The following UHRF1 variants were observed in gnomAD, a reference collection of about 807,000 sequenced individuals.
UHRF1 encodes the protein ubiquitin like with PHD and ring finger domains 1.
UHRF1 carries 9 observed loss-of-function variants against 96.5 expected under a neutral mutation model. The observed-to-expected ratio is 0.09, with a 90% CI of 0.06 to 0.16. The LOEUF is 0.16. UHRF1 is among the 10% of genes least tolerant of loss of function. The pLI is 1.00. For synonymous variants in UHRF1, 455 were observed against 469.9 expected (o/e 0.97, Z 0.41); for missense variants, 626 against 1,131.1 (o/e 0.55, Z 6.40).
chr19:4,941,516 C>T lies in UHRF1; in HGVS notation c.786-12C>T, dbSNP rs531759145. 7.5e-6 allele frequency: 12 copies of T among 1,608,670 alleles called. No individual in the cohort carries two copies. Among genetic ancestry groups the T allele is most frequent in the East Asian group, 2.2e-5 (1 of 44,694 alleles). On this transcript the variant is annotated splice_polypyrimidine_tract_variant and intron_variant, in intron 5 of 16. Coordinates refer to ENST00000650932, the MANE Select transcript of UHRF1 (RefSeq NM_001048201.3). The stretch of plus-strand genomic sequence containing the variant: ...GCAGGCCAGAATGTTCCAGCGTCCT[C>T]GTTCCTTGCAGGGATGATTCTCTGA...
intron 2 of UHRF1, among the ~76,000 whole-genome samples, chr19:4,915,031 C>T (rs1002524654): frequency 1.3e-5 from 2 of 152,252 alleles, no homozygotes; most frequent in Non-Finnish European, 2.9e-5. Context: ...CCTCCACCCA[C>T]TCCATGCCAG....
chr19:4,937,293 C>CA (rs903116367), intron 5 of UHRF1, among the ~76,000 whole-genome samples: 1 of 125,440 alleles, frequency 8.0e-6, no homozygotes, highest in Non-Finnish European at 1.6e-5. Flanking sequence ...AGATGGGCCA[C>CA]TTTTTTTTTT....
intron 5 of UHRF1, among the ~76,000 whole-genome samples, chr19:4,933,283 T>G (rs1051595926): frequency 5.9e-5 from 9 of 152,278 alleles, no homozygotes; most frequent in Middle Eastern, 3.4e-3. Context: ...TGGTTCGATC[T>G]CGGTTCACTG....
Position 4,928,818 on chromosome 19 carries a change from G to A in UHRF1, c.154-404G>A, listed in dbSNP as rs376964630. 6.6e-5 allele frequency among the ~76,000 whole-genome samples: 10 copies of A among 152,268 alleles called. No individual in the cohort carries two copies. In the South Asian group the frequency reaches 8.3e-4, roughly 13 times the overall value. On this transcript the variant is annotated intron_variant, in intron 2 of 16. Transcript: ENST00000650932. ...ACAAATGTCCCAGACGTGGCCCAGC[G>A]TCCCCCGGGGTCTGAATCATGTTTG...
chr19:4,905,175 G>T (rs2032040781), upstream of UHRF1, among the ~76,000 whole-genome samples: 2 of 143,388 alleles, frequency 1.4e-5, no homozygotes, highest in Non-Finnish European at 3.0e-5. Flanking sequence ...GGAGTGCAGT[G>T]GTGTGATCTC....
chr19:4,953,409 T>C (rs1419062419), intron 13 of UHRF1, among the ~76,000 whole-genome samples: 1 of 152,204 alleles, frequency 6.6e-6, no homozygotes, highest in Non-Finnish European at 1.5e-5. Flanking sequence ...TTTCGCATCT[T>C]AGGCTTCTCT....
chr19:4,961,963 CAG>C lies in UHRF1; in HGVS notation c.*1161_*1162del, dbSNP rs755322478. On this transcript the variant is annotated 3_prime_UTR_variant, in exon 17 of 17. Coordinates refer to ENST00000650932, the MANE Select transcript of UHRF1 (RefSeq NM_001048201.3). ...GTTTGCAGCCTATACCTCAATAAAACAGGGATATTTTAAATCACATACCTGCA... is the reference window on the plus strand; with the variant it reads ...GTTTGCAGCCTATACCTCAATAAAACGGATATTTTAAATCACATACCTGCA... The C allele has an allele frequency of 5.3e-5, 8 of 152,018 alleles. No individual in the cohort carries two copies. The highest frequency in any genetic ancestry group is 1.0e-4 in the Non-Finnish European group (7 of 68,016). The allele number at this position is 152,018 out of a possible 1,614,324, so 9.4% of individuals were successfully genotyped here. A position where few individuals can be genotyped will look rare whatever the true frequency, so the allele number is the denominator to read the frequency against.
chr19:4,935,247 C>T (rs373968474), intron 5 of UHRF1, among the ~76,000 whole-genome samples: 4 of 152,118 alleles, frequency 2.6e-5, no homozygotes, highest in Admixed American at 1.3e-4. Context: ...GGATTACAGG[C>T]GTGAGCCACC....
intron 2 of UHRF1, among the ~76,000 whole-genome samples, 193 bp from the exon 3 acceptor site, chr19:4,929,029 G>C (rs1351002109): frequency 6.6e-6 from 1 of 152,216 alleles, no homozygotes; most frequent in Non-Finnish European, 1.5e-5. Context: ...AGACCCTGAG[G>C]GAAGGGACTG....
intron 1 of UHRF1, chr19:4,910,340 G>GGGGGGGGCCGGCAAAGA (rs2032211382): frequency 7.0e-6 from 1 of 142,344 alleles, no homozygotes; most frequent in Non-Finnish European, 1.6e-5. Context: ...GCACGCGCGC[G>GGGGGGGGCCGGCAAAGA]GGGGGGGCCG....
chr19:4,928,057 G>A (rs1475604032), intron 2 of UHRF1, among the ~76,000 whole-genome samples: 2 of 152,100 alleles, frequency 1.3e-5, no homozygotes, highest in Admixed American at 6.5e-5. Context: ...GTTTCTTGGG[G>A]GCCTGTGGAA....
At chr19:4,941,653 C>T in intron 6 of UHRF1, 25 bp downstream of exon 6, 1 of 1,605,146 alleles carries the variant, frequency 6.2e-7, no homozygotes. Flanking sequence ...AGCCTTTCCC[C>T]ATCTTCCGCG....
chr19:4,921,122 CAAAAAAGAAA>C (rs201171044), intron 2 of UHRF1, among the ~76,000 whole-genome samples: 7,212 of 143,308 alleles, frequency 0.05, 182 homozygotes, highest in Middle Eastern at 0.14. Context: ...GACTCCGTCT[CAAAAAAGAAA>C]AAAAAAGAAA....
chr19:4,936,911 C>CT (rs1205919846), intron 5 of UHRF1, among the ~76,000 whole-genome samples: 1 of 152,048 alleles, frequency 6.6e-6, no homozygotes, highest in Non-Finnish European at 1.5e-5. Flanking sequence ...GTTATCACAA[C>CT]TGGAATATTG....
At chr19:4,937,159 A>T (rs1226414472) in intron 5 of UHRF1, among the ~76,000 whole-genome samples, 1 of 152,186 alleles carries the variant, frequency 6.6e-6, no homozygotes, top group Non-Finnish European at 1.5e-5. Flanking sequence ...AAATGGAATC[A>T]CACAGTATGT....
chr19:4,958,000 C>T (rs551652097), intron 16 of UHRF1, among the ~76,000 whole-genome samples: 67 of 152,366 alleles, frequency 4.4e-4, no homozygotes, highest in Non-Finnish European at 8.7e-4. Context: ...ACTGCAGTCC[C>T]GCAGTCCTCT....
At position 4,904,271 on chromosome 19, in the gene UHRF1, C is replaced by T. The variant is rs189655110; in HGVS notation, c.-11+626C>T. On this transcript the variant is annotated intron_variant, in intron 1 of 16. Coordinates refer to the UHRF1 transcript ENST00000612630. ...TCGGCTCACTGCAAGCTCCGCCTCCCGTGTTCATGCCATTCTCCTGCCTCA... is the reference window on the plus strand; with the variant it reads ...TCGGCTCACTGCAAGCTCCGCCTCCTGTGTTCATGCCATTCTCCTGCCTCA... Among the ~76,000 whole-genome samples the T allele has an allele frequency of 5.9e-5, 9 of 152,092 alleles. No individual in the cohort carries two copies. In the East Asian group the frequency reaches 9.6e-4, roughly 16 times the overall value.
chr19:4,918,211 C>T (rs2032587769), intron 2 of UHRF1, among the ~76,000 whole-genome samples: 2 of 152,022 alleles, frequency 1.3e-5, no homozygotes, highest in African/African-American at 4.8e-5. Flanking sequence ...CCTCCACCTC[C>T]CAGGTTCAAG....
At chr19:4,915,676 C>G (rs1211345700) in intron 2 of UHRF1, among the ~76,000 whole-genome samples, 1 of 152,084 alleles carries the variant, frequency 6.6e-6, no homozygotes, top group Non-Finnish European at 1.5e-5. Flanking sequence ...CACCACTGCA[C>G]TCCAGCCTGG....
Sources: gnomAD v4.1 joint callset for allele counts (sites outside exome capture counted in the v4.1 genomes callset) on GRCh38, gnomAD v4.1.1 for gene constraint, MANE v1.5 for transcripts, NCBI Gene and HGNC (gene_info 2026-07-23, HGNC 2026-07-21) for gene names.